Variants in AK1 observed in about 807,000 individuals in gnomAD.
AK1 encodes adenylate kinase isoenzyme 1.
Under a neutral mutation model 23.9 loss-of-function variants are expected in AK1, and 13 were observed. The ratio of observed to expected loss-of-function variants is 0.54; its 90% CI spans 0.35 to 0.86. The LOEUF (loss-of-function observed/expected upper bound fraction) is 0.86. AK1 is among the 40% of genes least tolerant of loss of function. The probability of loss-of-function intolerance (pLI) is 0.01; values close to 1 mark genes in which losing one functional copy is unlikely to be tolerated. For synonymous variants in AK1, 97 were observed against 102.8 expected (o/e 0.94, Z 0.34); for missense variants, 214 against 255.1 (o/e 0.84, Z 1.10).
intron 5 of AK1, chr9:127,869,626 T>A (rs1829338571): frequency 6.6e-6 from 1 of 152,350 alleles, no homozygotes; most frequent in Non-Finnish European, 1.5e-5. Context: ...CCTCCGTAGT[T>A]AAGGATTCAG....
At position 127,867,399 on chromosome 9, in the gene AK1, C is replaced by T. The variant is rs946015010; in HGVS notation, c.*609G>A. On this transcript the variant is annotated 3_prime_UTR_variant, in exon 7 of 7. Transcript: ENST00000644144. Reference sequence around the variant, plus strand: ...TTCAGACCCTCAGAGCCTCTCGCGTCAAGGAAGCCAATTCACTACCCACTG... The same window carrying T: ...TTCAGACCCTCAGAGCCTCTCGCGTTAAGGAAGCCAATTCACTACCCACTG... 9 of 154,544 alleles carry T rather than the reference C, an allele frequency of 5.8e-5. No homozygotes were observed. The highest frequency in any genetic ancestry group is 5.1e-4 in the Admixed American group (8 of 15,710). The allele number at this position is 154,544 out of a possible 1,614,324, so 9.6% of individuals were successfully genotyped here.
At position 127,867,806 on chromosome 9, in the gene AK1, A is replaced by G; in HGVS notation, c.*202T>C. On this transcript the variant is annotated 3_prime_UTR_variant, in exon 7 of 7. Transcript: ENST00000644144. ...AGGCACAAGCACATGAATCAACTCCAACTGGAAGCAGAGAAAAAGCAGTAA... is the reference window on the plus strand; with the variant it reads ...AGGCACAAGCACATGAATCAACTCCGACTGGAAGCAGAGAAAAAGCAGTAA... 3.4e-6 allele frequency: 2 copies of G among 585,062 alleles called. No individual in the cohort carries two copies. Among genetic ancestry groups the G allele is most frequent in the Non-Finnish European group, 6.1e-6 (2 of 325,264 alleles). 36.2% of individuals were successfully genotyped at this position (585,062 alleles called of 1,614,324 possible). A position where few individuals can be genotyped will look rare whatever the true frequency, so the allele number is the denominator to read the frequency against.
In AK1 at chr9:127,867,575, C is replaced by G. The variant is rs1379663556; in HGVS notation, c.*433G>C. The G allele has an allele frequency of 4.0e-6, 1 of 248,204 alleles. No homozygotes were observed. The highest frequency in any genetic ancestry group is 2.2e-5 in the African/African-American group (1 of 44,586). 15.4% of individuals were successfully genotyped at this position (248,204 alleles called of 1,614,324 possible). A position where few individuals can be genotyped will look rare whatever the true frequency, so the allele number is the denominator to read the frequency against. On this transcript the variant is annotated 3_prime_UTR_variant, in exon 7 of 7. Coordinates refer to ENST00000644144, the MANE Select transcript of AK1 (RefSeq NM_000476.3). ...AGGGCCAAGGCCACAGAGCAAGATG[C>G]AGAGGAGCCCAGGCTGGGACCGGTT... is the stretch of plus-strand genomic sequence containing the variant.
rs936376270 is a variant in AK1 at position 127,868,803 on chromosome 9, T to C, written c.325-291A>G. Among the ~76,000 whole-genome samples, 1 of 152,172 alleles carries C rather than the reference T, an allele frequency of 6.6e-6. No homozygotes were observed. The highest frequency in any genetic ancestry group is 1.5e-5 in the Non-Finnish European group (1 of 68,026). ...TCAACCTCCTTCCATGCCAGACCTG[T>C]GCTCATGCTGTTCCCTCTGCTAGGA... On this transcript the variant is annotated intron_variant, in intron 5 of 6. Coordinates refer to ENST00000644144, the MANE Select transcript of AK1 (RefSeq NM_000476.3). This position sits in a 1 kb window ranked among gnomAD's most constrained non-coding sequence, Gnocchi z 4.1.
chr9:127,872,611 C>T (rs763437490), intron 4 of AK1, 79 bp downstream of exon 4: 6 of 1,588,884 alleles, frequency 3.8e-6, no homozygotes, highest in Admixed American at 1.7e-5. Context: ...GCCTGTGTGC[C>T]GTGGGCTTTG....
Position 127,868,435 on chromosome 9 carries a change from C to T in AK1, c.402G>A (p.Glu134=). The change falls in exon 6 of 7, where the codon GAG becomes GAA. Residue 134 remains glutamate, a synonymous_variant. Coordinates refer to ENST00000644144, the MANE Select transcript of AK1 (RefSeq NM_000476.3). The surrounding 1 kb of genome is among the most constrained non-coding windows in gnomAD (Gnocchi z 4.1). The part of the protein sequence containing the change: ...TMTQRLLKRG[E]TSGRVDDNEE... ...CATTGTCGTCCACACGCCCGCTGGT[C>T]TCTCCACGTTTCAAGAGCCGCTGGG... The T allele has an allele frequency of 6.2e-7, 1 of 1,611,306 alleles. No homozygotes were observed. Among genetic ancestry groups the T allele is most frequent in the Non-Finnish European group, 8.5e-7 (1 of 1,178,864 alleles).
chr9:127,873,795 C>T (rs944004358), intron 2 of AK1: 8 of 985,456 alleles, frequency 8.1e-6, no homozygotes, highest in East Asian at 1.1e-4. Flanking sequence ...CAGGCTCCCC[C>T]GCTTCCCAGG....
chr9:127,873,529 G>C (rs1829469024), intron 2 of AK1: 1 of 1,441,282 alleles, frequency 6.9e-7, no homozygotes, highest in East Asian at 2.5e-5. Flanking sequence ...GCCTCCCCCG[G>C]CAGTGGGGGC....
intron 2 of AK1, chr9:127,873,284 C>G: frequency 6.5e-7 from 1 of 1,532,284 alleles, no homozygotes; most frequent in South Asian, 1.2e-5. Context: ...GGCAGCCAGA[C>G]GGGCAGAGGC....
In AK1 at chr9:127,873,375, G is replaced by A. The variant is rs1046023152; in HGVS notation, c.8-314C>T. ...TCATGGCGCCTCCCTGTGGGTGCCT[G>A]GACCCCGGGGCCGGTCACCTCTGGC... On this transcript the variant is annotated intron_variant, in intron 2 of 6. Coordinates refer to ENST00000644144, the MANE Select transcript of AK1 (RefSeq NM_000476.3). 15 of 1,573,206 alleles carry A rather than the reference G, an allele frequency of 9.5e-6. No homozygotes were observed. The African/African-American group carries it at 1.6e-4, about 17-fold the overall frequency.
chr9:127,874,722 C>A, intron 1 of AK1, 73 bp from the exon 2 acceptor site: 2 of 1,444,510 alleles, frequency 1.4e-6, no homozygotes, highest in African/African-American at 1.4e-5. Flanking sequence ...AAGCCACACC[C>A]AAGGCAACTG....
chr9:127,872,900 G>A (rs1475168120), intron 3 of AK1, 47 bp from the exon 4 acceptor site: 2 of 1,613,332 alleles, frequency 1.2e-6, no homozygotes, highest in Non-Finnish European at 1.7e-6. Context: ...AGGGTCCCAG[G>A]AGGAACAGGG....
intron 1 of AK1, 130 bp from the exon 2 acceptor site, chr9:127,874,779 G>A: frequency 1.1e-6 from 1 of 940,088 alleles, no homozygotes; most frequent in Non-Finnish European, 1.7e-6. Context: ...GGGGGCTGCT[G>A]GGGGCAGGGA....
intron 4 of AK1, 83 bp downstream of exon 4, chr9:127,872,607 G>T: frequency 3.8e-6 from 6 of 1,580,658 alleles, no homozygotes; most frequent in Non-Finnish European, 5.2e-6. Flanking sequence ...CTTTGCCTGT[G>T]TGCCGTGGGC....
chr9:127,879,155 G>A (rs576589817), upstream of AK1, among the ~76,000 whole-genome samples: 9 of 152,070 alleles, frequency 5.9e-5, no homozygotes, highest in African/African-American at 2.2e-4. Flanking sequence ...AAACATGTGG[G>A]CACAAATTTG....
intron 4 of AK1, 133 bp from the exon 5 acceptor site, chr9:127,872,072 C>T: frequency 1.3e-6 from 1 of 761,368 alleles, no homozygotes; most frequent in Non-Finnish European, 2.3e-6. Flanking sequence ...GCCTCCCCCT[C>T]CAGGAAGCTT....
upstream of AK1, among the ~76,000 whole-genome samples, chr9:127,878,726 G>C (rs1385578135): frequency 6.6e-6 from 1 of 152,190 alleles, no homozygotes; most frequent in Non-Finnish European, 1.5e-5. Context: ...CAGCAGCCAG[G>C]AGACCAGGAG....
At chr9:127,872,957 C>A in intron 3 of AK1, 69 bp downstream of exon 3, 1 of 1,613,368 alleles carries the variant, frequency 6.2e-7, no homozygotes, top group Non-Finnish European at 8.5e-7. Flanking sequence ...CAGGGTGCAG[C>A]CCCAGGCCCG....
intron 3 of AK1, 50 bp from the exon 4 acceptor site, chr9:127,872,903 G>C: frequency 6.2e-7 from 1 of 1,613,388 alleles, no homozygotes; most frequent in East Asian, 2.2e-5. Context: ...GTCCCAGGAG[G>C]AACAGGGGCT....
Sources: allele counts gnomAD v4.1 joint callset (sites outside exome capture counted in the v4.1 genomes callset), GRCh38; gene constraint gnomAD v4.1.1; non-coding constraint Gnocchi (gnomAD v3.1); transcripts MANE v1.5; gene names NCBI Gene and HGNC (gene_info 2026-07-23, HGNC 2026-07-21).